Variants in LRRC69 observed in about 807,000 individuals in gnomAD.
LRRC69 encodes the protein leucine-rich repeat-containing protein 69.
Under a neutral mutation model 37.8 loss-of-function variants are expected in LRRC69, and 42 were observed. That is an observed-to-expected ratio of 1.11 (90% CI 0.87 to 1.44). LRRC69 has a LOEUF of 1.44. LRRC69 is among the 40% of genes most tolerant of loss of function. LRRC69 has a pLI of 0.00. For synonymous variants in LRRC69, 141 were observed against 143.1 expected (o/e 0.99, Z 0.11); for missense variants, 357 against 401.9 (o/e 0.89, Z 0.96).
At chr8:91,148,077 T>C (rs963161987) in intron 5 of LRRC69, among the ~76,000 whole-genome samples, 3 of 151,440 alleles carry the variant, frequency 2.0e-5, no homozygotes, top group Admixed American at 6.6e-5. Context: ...CCATGGTGTA[T>C]GTGTACCAAT....
intron 5 of LRRC69, among the ~76,000 whole-genome samples, chr8:91,159,894 T>A (rs1246884484): frequency 1.9e-4 from 29 of 151,200 alleles, no homozygotes; most frequent in African/African-American, 7.0e-4. Flanking sequence ...GGGATGAAAA[T>A]GATTGTCATG....
intron 5 of LRRC69, among the ~76,000 whole-genome samples, chr8:91,155,755 A>C (rs889280698): frequency 1.3e-5 from 2 of 150,440 alleles, no homozygotes; most frequent in African/African-American, 4.9e-5. Flanking sequence ...TCTGTGCCTG[A>C]CTTATTTTAC....
intron 5 of LRRC69, among the ~76,000 whole-genome samples, chr8:91,143,184 A>C (rs931824361): frequency 6.6e-6 from 1 of 152,062 alleles, no homozygotes; most frequent in Non-Finnish European, 1.5e-5. Context: ...TGTGAATTTA[A>C]CACTAAATTT....
intron 5 of LRRC69, among the ~76,000 whole-genome samples, chr8:91,187,762 C>G (rs996740214): frequency 3.9e-5 from 6 of 152,322 alleles, no homozygotes; most frequent in African/African-American, 1.4e-4. Flanking sequence ...CTTCAACCAT[C>G]CAGTGTCTTC....
intron 1 of LRRC69, among the ~76,000 whole-genome samples, chr8:91,111,186 C>A (rs1489154403): frequency 6.6e-6 from 1 of 151,970 alleles, no homozygotes; most frequent in African/African-American, 2.4e-5. Context: ...CAGTGATATG[C>A]TGGATAAAGA....
intron 5 of LRRC69, among the ~76,000 whole-genome samples, chr8:91,177,939 C>T (rs1158865594): frequency 6.6e-6 from 1 of 150,688 alleles, no homozygotes; most frequent in Non-Finnish European, 1.5e-5. Context: ...CGCTCCGCCT[C>T]CCGGGTTCAT....
intron 1 of LRRC69, chr8:91,118,186 G>A (rs1162822922): frequency 2.2e-6 from 1 of 455,290 alleles, no homozygotes; most frequent in African/African-American, 2.0e-5. Flanking sequence ...CCTGCATTCT[G>A]TATGTTGGTC....
rs73303656 is a variant in LRRC69 at position 91,165,128 on chromosome 8, C to T, written c.652-24394C>T. ...ATTGGCAACATCTGTAGTTCCCCCA[C>T]AAAAGGAAAATTTTGCCTAATTTTT... On this transcript the variant is annotated intron_variant, in intron 5 of 7. Transcript: ENST00000448384. 2.9e-3 allele frequency among the ~76,000 whole-genome samples: 446 copies of T among 151,758 alleles called. 4 individuals carry two copies. The highest frequency in any genetic ancestry group is 0.01 in the African/African-American group (427 of 41,496).
intron 7 of LRRC69, among the ~76,000 whole-genome samples, chr8:91,207,084 T>G (rs181618811): frequency 2.6e-4 from 39 of 152,340 alleles, no homozygotes; most frequent in Non-Finnish European, 5.4e-4. Flanking sequence ...GTCAGATTAT[T>G]TGCCAGGGCT....
At chr8:91,132,015 T>C (rs981761057) in intron 3 of LRRC69, among the ~76,000 whole-genome samples, 1 of 152,002 alleles carries the variant, frequency 6.6e-6, no homozygotes, top group Admixed American at 6.6e-5. Flanking sequence ...TTCATATGGC[T>C]TCTACTATGT....
At chr8:91,194,533 T>G (rs1809560043) in intron 6 of LRRC69, among the ~76,000 whole-genome samples, 1 of 151,956 alleles carries the variant, frequency 6.6e-6, no homozygotes, top group South Asian at 2.1e-4. Flanking sequence ...GATCCTGTTA[T>G]TGGTCTATTC....
At chr8:91,123,005 C>G (rs1813656887) in intron 1 of LRRC69, among the ~76,000 whole-genome samples, 2 of 152,036 alleles carry the variant, frequency 1.3e-5, no homozygotes, top group Non-Finnish European at 2.9e-5. Flanking sequence ...GTGGAAGAGT[C>G]AGCATTAGTG....
chr8:91,116,688 A>G (rs1382472081), intron 1 of LRRC69, among the ~76,000 whole-genome samples: 2 of 152,012 alleles, frequency 1.3e-5, no homozygotes, highest in African/African-American at 2.4e-5. Flanking sequence ...TCATTTCACC[A>G]TAAATCATAG....
chr8:91,206,663 T>C (rs1809810399), intron 7 of LRRC69: 2 of 1,288,744 alleles, frequency 1.6e-6, no homozygotes. Flanking sequence ...TCTGATGTGC[T>C]GCTACTCTTA....
intron 5 of LRRC69, among the ~76,000 whole-genome samples, chr8:91,179,892 G>A (rs532183097): frequency 6.6e-6 from 1 of 152,280 alleles, no homozygotes; most frequent in African/African-American, 2.4e-5. Context: ...CGTCGTATGT[G>A]TAGGTCTACA....
chr8:91,189,581 G>T (rs550502643), exon 6 of LRRC69: 2 of 1,551,312 alleles, frequency 1.3e-6, no homozygotes, highest in Non-Finnish European at 1.7e-6. Context: ...TCCTGCAGCA[G>T]CCAGTGATTT....
At chr8:91,197,584 A>C (rs539491417) in intron 6 of LRRC69, among the ~76,000 whole-genome samples, 17 of 152,218 alleles carry the variant, frequency 1.1e-4, no homozygotes, top group Non-Finnish European at 2.2e-4. Context: ...GCGCAGTATT[A>C]GGGTGGGAGT....
intron 6 of LRRC69, among the ~76,000 whole-genome samples, chr8:91,200,270 T>C (rs1346752510): frequency 6.6e-6 from 1 of 152,222 alleles, no homozygotes; most frequent in Non-Finnish European, 1.5e-5. Context: ...TCTGAATGTT[T>C]GTACAGTTTT....
chr8:91,154,402 C>A (rs1485637180), intron 5 of LRRC69, among the ~76,000 whole-genome samples: 1 of 151,662 alleles, frequency 6.6e-6, no homozygotes, highest in African/African-American at 2.4e-5. Flanking sequence ...ATTCTGATAC[C>A]AAAGCCTGGC....
Sources: allele counts gnomAD v4.1 joint callset (sites outside exome capture counted in the v4.1 genomes callset), GRCh38; gene constraint gnomAD v4.1.1; transcripts MANE v1.5; gene names NCBI Gene and HGNC (gene_info 2026-07-23, HGNC 2026-07-21).